ZFYVE9: variants seen among roughly 807,000 people sequenced by gnomAD.
The protein encoded by ZFYVE9 is zinc finger FYVE domain-containing protein 9.
Under a neutral mutation model 126.7 loss-of-function variants are expected in ZFYVE9, and 43 were observed. The ratio of observed to expected loss-of-function variants is 0.34; its 90% CI spans 0.27 to 0.44. The LOEUF is 0.44. ZFYVE9 is among the 20% of genes least tolerant of loss of function. ZFYVE9 has a pLI of 1.00. For missense variants in ZFYVE9, 1,476 were observed against 1,697.0 expected (o/e 0.87, Z 2.29); for synonymous variants, 521 against 597.4 (o/e 0.87, Z 1.87).
rs577196493 is a variant in ZFYVE9, at chr1:52,232,430, C to T, written c.-36-741C>T. Among the ~76,000 whole-genome samples, 5 of 152,132 alleles carry T rather than the reference C, an allele frequency of 3.3e-5. No individual in the cohort carries two copies. In the East Asian group the frequency reaches 7.7e-4, roughly 23 times the overall value. ...TAGAAATGGTACTCGAAGAGGGTTA[C>T]AAGAATAACCAGGTCAGGGCCAAGT... On this transcript the variant is annotated intron_variant, in intron 2 of 18. Transcript: ENST00000287727.
chr1:52,187,722 T>G (rs868292624), intron 1 of ZFYVE9, among the ~76,000 whole-genome samples: 1 of 152,178 alleles, frequency 6.6e-6, no homozygotes, highest in Non-Finnish European at 1.5e-5. Flanking sequence ...CACTGATCAT[T>G]AGAGAAATGC....
Position 52,263,766 on chromosome 1 carries a change from C to CA in ZFYVE9, c.2179-7_2179-6insA, listed in dbSNP as rs1256226388. ...TTTGTGTGTTCTTCCCCCCCCCCCC[C>CA]CCACAGGTTTTCTGTGCTTCCTGCT... On this transcript the variant is annotated splice_polypyrimidine_tract_variant and splice_region_variant and intron_variant, in intron 4 of 18. Coordinates refer to ENST00000287727, the MANE Select transcript of ZFYVE9 (RefSeq NM_004799.4). The CA allele has an allele frequency of 1.6e-6, 2 of 1,221,762 alleles. No homozygotes were observed. Among genetic ancestry groups the CA allele is most frequent in the African/African-American group, 1.9e-5 (1 of 52,272 alleles). The allele number at this position is 1,221,762 out of a possible 1,614,324, so 75.7% of individuals were successfully genotyped here. A position where few individuals can be genotyped will look rare whatever the true frequency, so the allele number is the denominator to read the frequency against.
intron 13 of ZFYVE9, among the ~76,000 whole-genome samples, chr1:52,312,666 T>C (rs527587736): frequency 1.5e-4 from 23 of 152,310 alleles, no homozygotes; most frequent in African/African-American, 5.5e-4. Context: ...AGGCATAGAT[T>C]CCAGGGTGTC....
At chr1:52,183,591 C>G (rs970281466) in intron 1 of ZFYVE9, among the ~76,000 whole-genome samples, 1 of 152,170 alleles carries the variant, frequency 6.6e-6, no homozygotes, top group Non-Finnish European at 1.5e-5. Context: ...CAACCTCTGC[C>G]TCCCGGGTTC....
chr1:52,170,220 G>A (rs1174610842), intron 1 of ZFYVE9, among the ~76,000 whole-genome samples: 2 of 151,844 alleles, frequency 1.3e-5, no homozygotes, highest in Non-Finnish European at 2.9e-5. Context: ...TTCATTTGAC[G>A]ATACTTATTG....
chr1:52,344,099 T>C (rs543447909), intron 17 of ZFYVE9, among the ~76,000 whole-genome samples: 50 of 152,030 alleles, frequency 3.3e-4, no homozygotes, highest in Admixed American at 9.2e-4. Flanking sequence ...GTCCTTTAAC[T>C]TCCTTTAGTC....
At chr1:52,336,039 C>T (rs1320615138) in intron 15 of ZFYVE9, among the ~76,000 whole-genome samples, 1 of 151,814 alleles carries the variant, frequency 6.6e-6, no homozygotes, top group African/African-American at 2.4e-5. Context: ...GAGGCTGAGG[C>T]AGGAGAATCA....
chr1:52,313,692 C>G (rs1271484602), intron 13 of ZFYVE9, among the ~76,000 whole-genome samples: 1 of 152,112 alleles, frequency 6.6e-6, no homozygotes, highest in Non-Finnish European at 1.5e-5. Context: ...TGTACAGATT[C>G]AAACTGCTCT....
intron 1 of ZFYVE9, among the ~76,000 whole-genome samples, chr1:52,165,079 A>G (rs1021428750): frequency 6.6e-6 from 1 of 152,174 alleles, no homozygotes; most frequent in African/African-American, 2.4e-5. Context: ...AATAGCTAAA[A>G]TGGTAAATAT....
chr1:52,273,476 G>C (rs1159858476), intron 7 of ZFYVE9, among the ~76,000 whole-genome samples: 2 of 152,126 alleles, frequency 1.3e-5, no homozygotes, highest in Non-Finnish European at 2.9e-5. Context: ...CAACCAACAT[G>C]TTTTGCAACC....
intron 2 of ZFYVE9, among the ~76,000 whole-genome samples, chr1:52,217,091 C>T (rs538552483): frequency 1.6e-4 from 24 of 152,216 alleles, no homozygotes; most frequent in South Asian, 6.2e-4. Context: ...CAGCAAGGCA[C>T]TTTTACTTCT....
At chr1:52,178,966 G>A (rs1644668445) in intron 1 of ZFYVE9, among the ~76,000 whole-genome samples, 1 of 152,044 alleles carries the variant, frequency 6.6e-6, no homozygotes, top group East Asian at 1.9e-4. Flanking sequence ...CACCATGCCT[G>A]GCTAATTTTT....
chr1:52,185,352 G>T (rs539492819), intron 1 of ZFYVE9, among the ~76,000 whole-genome samples: 2 of 152,264 alleles, frequency 1.3e-5, no homozygotes, highest in South Asian at 4.1e-4. Context: ...CATGCTAAAA[G>T]ATTGTAAATT....
At chr1:52,258,216 T>C (rs1045439874) in intron 4 of ZFYVE9, among the ~76,000 whole-genome samples, 2 of 152,124 alleles carry the variant, frequency 1.3e-5, no homozygotes, top group Non-Finnish European at 1.5e-5. Context: ...CAGTAGATTG[T>C]GTTGTGATAA....
intron 1 of ZFYVE9, among the ~76,000 whole-genome samples, chr1:52,178,430 C>G (rs1474696339): frequency 6.7e-6 from 1 of 149,864 alleles, no homozygotes; most frequent in African/African-American, 2.5e-5. Context: ...CTCCTGGATT[C>G]AAGTGATTCT....
At chr1:52,337,575 A>G (rs1646400715) in intron 15 of ZFYVE9, among the ~76,000 whole-genome samples, 197 bp from the exon 16 acceptor site, 1 of 152,238 alleles carries the variant, frequency 6.6e-6, no homozygotes, top group African/African-American at 2.4e-5. Flanking sequence ...CTGAAGTGAA[A>G]TCAACAAGCA....
At chr1:52,175,938 T>G (rs1352136128) in intron 1 of ZFYVE9, among the ~76,000 whole-genome samples, 1 of 152,228 alleles carries the variant, frequency 6.6e-6, no homozygotes, top group Non-Finnish European at 1.5e-5. Flanking sequence ...GCCTTTGGTT[T>G]GAATTTCCTC....
intron 1 of ZFYVE9, among the ~76,000 whole-genome samples, chr1:52,143,267 C>T (rs1050725464): frequency 6.6e-6 from 1 of 152,122 alleles, no homozygotes; most frequent in Non-Finnish European, 1.5e-5. Context: ...TAATAAATAC[C>T]TGAAGGAAAT....
chr1:52,260,383 G>A (rs891392419), intron 4 of ZFYVE9, among the ~76,000 whole-genome samples: 1 of 152,072 alleles, frequency 6.6e-6, no homozygotes, highest in African/African-American at 2.4e-5. Context: ...TGAAGCTCAT[G>A]TTTTTATCAT....
Sources: allele counts gnomAD v4.1 joint callset (sites outside exome capture counted in the v4.1 genomes callset), GRCh38; gene constraint gnomAD v4.1.1; transcripts MANE v1.5; gene names NCBI Gene and HGNC (gene_info 2026-07-23, HGNC 2026-07-21).